TBC1D16: variants seen among roughly 807,000 people sequenced by gnomAD.
TBC1D16 encodes TBC1 domain family member 16.
A neutral mutation model predicts 74.7 loss-of-function variants in TBC1D16; 58 were observed. The ratio of observed to expected loss-of-function variants is 0.78; its 90% CI spans 0.63 to 0.97. TBC1D16 has a LOEUF of 0.97. Among genes scored for constraint, TBC1D16 ranks in the 50% least tolerant of loss-of-function variants. The pLI, the probability that TBC1D16 is intolerant of heterozygous loss-of-function variation, is 0.00. For missense variants in TBC1D16, 1,014 were observed against 1,079.5 expected, an observed-to-expected ratio of 0.94 and a Z score of 0.85; for synonymous variants, 493 against 474.7, an observed-to-expected ratio of 1.04 and a Z score of -0.50.
intron 3 of TBC1D16, among the ~76,000 whole-genome samples, chr17:79,964,756 T>G (rs1240280149): frequency 1.3e-5 from 2 of 152,194 alleles, no homozygotes; most frequent in Non-Finnish European, 2.9e-5. Context: ...TGTGGCACAT[T>G]CATATGATAC....
In TBC1D16 at chr17:80,026,209, G is replaced by A. The variant is rs933299905; in HGVS notation, c.-63+9586C>T. 6.7e-5 allele frequency: 10 copies of A among 150,108 alleles called. 1 individual carries two copies. Among genetic ancestry groups the A allele is most frequent in the African/African-American group, 2.5e-4 (10 of 39,450 alleles). The allele number at this position is 150,108 out of a possible 1,614,324, so 9.3% of individuals were successfully genotyped here. On this transcript the variant is annotated intron_variant, in intron 1 of 11. Coordinates refer to ENST00000310924, the MANE Select transcript of TBC1D16 (RefSeq NM_019020.4). ...AGGCCAAGGCGGGTGGATCACCTGA[G>A]GTCAAGAGTTCACGACCAGCCTGGT...
In TBC1D16 at chr17:79,936,464, T is replaced by A. The variant is rs955435897; in HGVS notation, c.*4395A>T. 2.0e-5 allele frequency: 3 copies of A among 152,132 alleles called. No homozygotes were observed. The highest frequency in any genetic ancestry group is 7.2e-5 in the African/African-American group (3 of 41,390). 9.4% of individuals were successfully genotyped at this position (152,132 alleles called of 1,614,324 possible). Reference sequence around the variant, plus strand: ...TTTACACTTAGAGTCCCCAATGCACTCCCAGGAGGTGGCCTGGGCAGGCAG... The same window carrying A: ...TTTACACTTAGAGTCCCCAATGCACACCCAGGAGGTGGCCTGGGCAGGCAG... On this transcript the variant is annotated 3_prime_UTR_variant, in exon 12 of 12. Transcript: ENST00000310924.
intron 3 of TBC1D16, among the ~76,000 whole-genome samples, chr17:79,967,812 C>T (rs565638579): frequency 2.3e-4 from 35 of 152,238 alleles, no homozygotes; most frequent in Non-Finnish European, 4.1e-4. Flanking sequence ...AATTAGGACT[C>T]ACACTTCCTA....
At position 79,961,872 on chromosome 17, in the gene TBC1D16, A is replaced by G. The variant is rs949152009; in HGVS notation, c.780-9054T>C. 6.6e-6 allele frequency among the ~76,000 whole-genome samples: 1 copy of G among 152,208 alleles called. No individual in the cohort carries two copies. On this transcript the variant is annotated intron_variant, in intron 3 of 11. Transcript: ENST00000310924. The surrounding 1 kb of genome is among the most constrained non-coding windows in gnomAD (Gnocchi z 4.8). ...GAGCAAAACTCCATCTCAAAAAAATAAAAATAAAAATAATAAAATAAAATA... is the reference window on the plus strand; with the variant it reads ...GAGCAAAACTCCATCTCAAAAAAATGAAAATAAAAATAATAAAATAAAATA...
chr17:80,002,447 C>T (rs534302777), intron 3 of TBC1D16, among the ~76,000 whole-genome samples: 55 of 152,326 alleles, frequency 3.6e-4, no homozygotes, highest in African/African-American at 1.2e-3. Flanking sequence ...AGGTGGGGAG[C>T]GGCCGCCCCA....
In TBC1D16 at chr17:79,941,980, C is replaced by A; in HGVS notation, c.2055+80G>T. ...GGGCGGGGCCCACATCTGGGGCAGC[C>A]TCACCTTTCTGAGAACGAGCTGGTG... On this transcript the variant is annotated intron_variant, in intron 11 of 11. Coordinates refer to ENST00000310924, the MANE Select transcript of TBC1D16 (RefSeq NM_019020.4). This position sits in a 1 kb window ranked among gnomAD's most constrained non-coding sequence, Gnocchi z 4.3. 1 of 1,404,368 alleles carries A rather than the reference C, an allele frequency of 7.1e-7. No individual in the cohort carries two copies. Among genetic ancestry groups the A allele is most frequent in the East Asian group, 2.5e-5 (1 of 39,900 alleles). The allele number at this position is 1,404,368 out of a possible 1,614,324, so 87.0% of individuals were successfully genotyped here.
rs186162977 is a variant in TBC1D16, at chr17:79,990,753, C to T, written c.779+19407G>A. 3.9e-4 allele frequency among the ~76,000 whole-genome samples: 59 copies of T among 152,334 alleles called. 2 individuals carry two copies. The highest frequency in any genetic ancestry group is 3.7e-3 in the Admixed American group (56 of 15,292). On this transcript the variant is annotated intron_variant, in intron 3 of 11. Transcript: ENST00000310924. The surrounding 1 kb of genome is among the most constrained non-coding windows in gnomAD (Gnocchi z 4.8). Reference sequence around the variant, plus strand: ...TCTCCATGAAACACCAGCTCCCCAACGTCCCCTCCCTCAGCCCCTGGCACC... The same window carrying T: ...TCTCCATGAAACACCAGCTCCCCAATGTCCCCTCCCTCAGCCCCTGGCACC...
At chr17:80,006,224 CTT>C (rs1555882177) in intron 3 of TBC1D16, among the ~76,000 whole-genome samples, 13 of 145,678 alleles carry the variant, frequency 8.9e-5, no homozygotes, top group East Asian at 4.1e-4. Context: ...TTCTCTCTTT[CTT>C]TCTCTCTCTC....
intron 2 of TBC1D16, 49 bp downstream of exon 2, chr17:80,013,318 A>T: frequency 6.5e-7 from 1 of 1,535,378 alleles, no homozygotes; most frequent in Non-Finnish European, 8.8e-7. Flanking sequence ...CCTGGCTCGG[A>T]AAATAACCTG....
chr17:79,973,373 A>G (rs1370368528), intron 3 of TBC1D16, among the ~76,000 whole-genome samples: 1 of 151,822 alleles, frequency 6.6e-6, no homozygotes, highest in Admixed American at 6.6e-5. Context: ...AGGAGTTCAA[A>G]ACCAGCCTGG....
chr17:79,943,580 C>T (rs777228451), intron 10 of TBC1D16, among the ~76,000 whole-genome samples: 11 of 140,738 alleles, frequency 7.8e-5, no homozygotes, highest in East Asian at 5.0e-4. Context: ...ACCCCCACCC[C>T]GTAATACTAC....
At position 79,947,718 on chromosome 17, in the gene TBC1D16, C is replaced by T. The variant is rs2032670898; in HGVS notation, c.1655G>A (p.Trp552Ter). ...GTTCTGCATCAAACCCACAAAGCAC[C>T]AGAAGGTGTCTGACTCATCCAGGAC... The part of the protein sequence containing the change: ...AEVLDESDTF[W>*]CFVGLMQNTI... The change falls in exon 9 of 12, where the codon TGG (tryptophan) becomes TAG (stop). Residue 552 changes from tryptophan to a stop codon, truncating the protein, a stop_gained. Coordinates refer to ENST00000310924, the MANE Select transcript of TBC1D16 (RefSeq NM_019020.4). LOFTEE classifies it high-confidence loss of function. 2.5e-6 allele frequency: 4 copies of T among 1,614,128 alleles called. No homozygotes were observed. Among genetic ancestry groups the T allele is most frequent in the Non-Finnish European group, 3.4e-6 (4 of 1,180,046 alleles).
rs2033620624 is a variant in TBC1D16, at chr17:79,961,681, G to A, written c.780-8863C>T. Among the ~76,000 whole-genome samples, 1 of 152,118 alleles carries A rather than the reference G, an allele frequency of 6.6e-6. No individual in the cohort carries two copies. Among genetic ancestry groups the A allele is most frequent in the African/African-American group, 2.4e-5 (1 of 41,416 alleles). ...GTTTGAGACCAGTGTGACCAACATG[G>A]TGAAACACTGTATCTACCAAAAATA... On this transcript the variant is annotated intron_variant, in intron 3 of 11. Transcript: ENST00000310924. The surrounding 1 kb of genome is among the most constrained non-coding windows in gnomAD (Gnocchi z 4.8).
chr17:80,024,929 C>A (rs62647781), intron 1 of TBC1D16, among the ~76,000 whole-genome samples: 47,743 of 142,392 alleles, frequency 0.34, 8,916 homozygotes, highest in Middle Eastern at 0.46. Flanking sequence ...ACACCATAGA[C>A]ACACACACCA....
Position 79,985,625 on chromosome 17 carries a change from T to A in TBC1D16, c.779+24535A>T, listed in dbSNP as rs554342283. The stretch of plus-strand genomic sequence containing the variant: ...CTGGTGCTGGGTCCAAGGGTCCCCA[T>A]CCGGTGGCAGCCATTCCGCATTGAT... On this transcript the variant is annotated intron_variant, in intron 3 of 11. Coordinates refer to ENST00000310924, the MANE Select transcript of TBC1D16 (RefSeq NM_019020.4). The surrounding 1 kb of genome is among the most constrained non-coding windows in gnomAD (Gnocchi z 4.9). 5.3e-5 allele frequency among the ~76,000 whole-genome samples: 8 copies of A among 152,322 alleles called. No homozygotes were observed. Among genetic ancestry groups the A allele is most frequent in the Admixed American group, 3.3e-4 (5 of 15,300 alleles).
intron 1 of TBC1D16, among the ~76,000 whole-genome samples, chr17:80,015,659 G>C (rs78341200): frequency 0.015 from 2,344 of 152,276 alleles, 70 homozygotes; most frequent in African/African-American, 0.054. Context: ...ATAAGAATTA[G>C]CAACTGGGAG....
chr17:79,968,842 CAAAAAAAAAAAAA>C (rs34365366), intron 3 of TBC1D16, among the ~76,000 whole-genome samples: 47 of 55,396 alleles, frequency 8.5e-4, no homozygotes, highest in Admixed American at 5.9e-3. Context: ...GATGCCGTCT[CAAAAAAAAAAAAA>C]AAAAAAAAAA....
intron 9 of TBC1D16, among the ~76,000 whole-genome samples, 164 bp from the exon 10 acceptor site, chr17:79,945,251 C>T (rs1010967640): frequency 1.3e-5 from 2 of 152,240 alleles, no homozygotes; most frequent in Non-Finnish European, 2.9e-5. Flanking sequence ...CGCTCCATTC[C>T]GCCGCTGGAA....
chr17:80,004,874 G>A (rs915839426), intron 3 of TBC1D16, among the ~76,000 whole-genome samples: 2 of 152,128 alleles, frequency 1.3e-5, no homozygotes, highest in Non-Finnish European at 2.9e-5. Context: ...GGGGTTTTAC[G>A]GTGTTGACCA....
Sources: allele counts gnomAD v4.1 joint callset (sites outside exome capture counted in the v4.1 genomes callset), GRCh38; gene constraint gnomAD v4.1.1; non-coding constraint Gnocchi (gnomAD v3.1); transcripts MANE v1.5; gene names NCBI Gene and HGNC (gene_info 2026-07-23, HGNC 2026-07-21).